Variants in PHF24 observed in about 807,000 individuals in gnomAD.
PHF24 encodes PHD finger protein 24.
PHF24 carries 25 observed loss-of-function variants against 42.6 expected under a neutral mutation model. That is an observed-to-expected ratio of 0.59 (90% CI 0.43 to 0.82). PHF24 has a LOEUF of 0.82. PHF24 is among the 40% of genes least tolerant of loss of function. The pLI, the probability that PHF24 is intolerant of heterozygous loss-of-function variation, is 0.00. For missense variants in PHF24, 470 were observed against 538.1 expected (o/e 0.87, Z 1.25); for synonymous variants, 185 against 204.8 (o/e 0.90, Z 0.83).
chr9:34,778,366 G>A, the PHF24 span, among the ~76,000 whole-genome samples: 2 of 152,156 alleles, frequency 1.3e-5, no homozygotes, highest in African/African-American at 4.8e-5. Context: ...CCTGCCTCAT[G>A]ATGTCTAAGG....
chr9:34,675,642 C>G, the PHF24 span, among the ~76,000 whole-genome samples: 201 of 152,248 alleles, frequency 1.3e-3, 1 homozygote, highest in African/African-American at 4.5e-3. Context: ...TGCGTCCTAT[C>G]CCCTGGAGCT....
the PHF24 span, chr9:34,725,109 C>T: frequency 6.4e-6 from 10 of 1,550,888 alleles, no homozygotes; most frequent in African/African-American, 1.4e-4. Flanking sequence ...GGAAAAGGAG[C>T]CACTGCCAGG....
At chr9:34,924,228 G>A in the PHF24 span, among the ~76,000 whole-genome samples, 1 of 152,108 alleles carries the variant, frequency 6.6e-6, no homozygotes, top group African/African-American at 2.4e-5. Context: ...TATATGGGCT[G>A]TCCTTGAGAA....
At chr9:34,739,751 C>A in the PHF24 span, among the ~76,000 whole-genome samples, 1,060 of 152,232 alleles carry the variant, frequency 7.0e-3, 15 homozygotes, top group African/African-American at 0.023. Context: ...AAGAATAAAG[C>A]TTCCACACTG....
chr9:34,791,098 A>C, the PHF24 span, among the ~76,000 whole-genome samples: 1 of 152,364 alleles, frequency 6.6e-6, no homozygotes, highest in African/African-American at 2.4e-5. Flanking sequence ...GATCATATTT[A>C]TGTTTTAAAA....
chr9:34,913,140 A>T, the PHF24 span, among the ~76,000 whole-genome samples: 1 of 152,298 alleles, frequency 6.6e-6, no homozygotes, highest in African/African-American at 2.4e-5. Context: ...TCAATCTGAA[A>T]AACAGAGAAA....
chr9:34,693,879 G>GTTTGTTT, the PHF24 span, among the ~76,000 whole-genome samples: 3 of 152,038 alleles, frequency 2.0e-5, no homozygotes, highest in Admixed American at 2.0e-4. Flanking sequence ...GCATTTCTTT[G>GTTTGTTT]TTTGTTTTTT....
chr9:34,698,414 T>C, the PHF24 span, among the ~76,000 whole-genome samples: 11 of 152,212 alleles, frequency 7.2e-5, no homozygotes, highest in African/African-American at 2.4e-4. Context: ...TATTTATATG[T>C]ACTACTGCAA....
chr9:34,681,576 C>T, the PHF24 span, among the ~76,000 whole-genome samples: 11 of 152,424 alleles, frequency 7.2e-5, no homozygotes, highest in East Asian at 1.9e-4. Flanking sequence ...TCTGGGAGAC[C>T]GAGGTGGGTG....
the PHF24 span, among the ~76,000 whole-genome samples, chr9:34,668,736 G>C: frequency 6.6e-6 from 1 of 152,178 alleles, no homozygotes; most frequent in African/African-American, 2.4e-5. Context: ...TTCCTTATGG[G>C]CCTCAAGATC....
the PHF24 span, chr9:34,917,267 C>T: frequency 8.3e-6 from 9 of 1,089,774 alleles, no homozygotes; most frequent in Non-Finnish European, 1.1e-5. Flanking sequence ...TCATGTATAT[C>T]TGGATCGATG....
chr9:34,724,192 C>T, the PHF24 span: 1 of 1,551,370 alleles, frequency 6.4e-7, no homozygotes, highest in Non-Finnish European at 8.7e-7. Context: ...TGGGTTTGTT[C>T]ACATTGGCCT....
At chr9:34,804,530 C>T in the PHF24 span, among the ~76,000 whole-genome samples, 52 of 152,024 alleles carry the variant, frequency 3.4e-4, no homozygotes, top group Admixed American at 1.6e-3. Context: ...TTACTTTATC[C>T]CAGGCATTAG....
the PHF24 span, among the ~76,000 whole-genome samples, chr9:34,875,936 A>ACTCTCTCTCTCTCTCTCTCTCTCT: frequency 2.3e-5 from 2 of 87,902 alleles, no homozygotes; most frequent in East Asian, 3.1e-4. Context: ...ACACACACAC[A>ACTCTCTCTCTCTCTCTCTCTCTCT]CACACACACA....
the PHF24 span, among the ~76,000 whole-genome samples, chr9:34,757,831 A>C: frequency 6.6e-6 from 1 of 151,912 alleles, no homozygotes; most frequent in Non-Finnish European, 1.5e-5. Flanking sequence ...GTGCATATAT[A>C]TGCACATGGT....
At chr9:34,978,241 A>C (rs974041986) in exon 8 of PHF24, 3 of 671,030 alleles carry the variant, frequency 4.5e-6, no homozygotes, top group Non-Finnish European at 7.9e-6. Context: ...ACTTGTCACT[A>C]AGCTTTAAGG....
the PHF24 span, among the ~76,000 whole-genome samples, chr9:34,849,961 T>C: frequency 6.6e-6 from 1 of 152,220 alleles, no homozygotes; most frequent in Non-Finnish European, 1.5e-5. Flanking sequence ...GAGTTTCTGC[T>C]GAGAGATCCG....
chr9:34,744,625 A>T, the PHF24 span, among the ~76,000 whole-genome samples: 4 of 152,220 alleles, frequency 2.6e-5, no homozygotes, highest in African/African-American at 9.6e-5. Context: ...ATAATATGCT[A>T]CTTTTACTTT....
the PHF24 span, among the ~76,000 whole-genome samples, chr9:34,786,348 G>A: frequency 2.0e-5 from 3 of 152,186 alleles, no homozygotes; most frequent in Non-Finnish European, 4.4e-5. Context: ...AGTCTCCTGA[G>A]AAGAGCTAAG....
Sources: allele counts gnomAD v4.1 joint callset (sites outside exome capture counted in the v4.1 genomes callset), GRCh38; gene constraint gnomAD v4.1.1; transcripts MANE v1.5; gene names NCBI Gene and HGNC (gene_info 2026-07-23, HGNC 2026-07-21).